TENM2: variants seen among roughly 807,000 people sequenced by gnomAD.
TENM2 encodes the protein teneurin transmembrane protein 2.
TENM2 carries 52 observed loss-of-function variants against 245.2 expected under a neutral mutation model. That is an observed-to-expected ratio of 0.21 (90% CI 0.17 to 0.27). TENM2 has a LOEUF of 0.27. TENM2 is among the 10% of genes least tolerant of loss of function. TENM2 has a pLI of 1.00. For missense variants in TENM2, 3,046 were observed against 3,666.8 expected, an observed-to-expected ratio of 0.83 and a Z score of 4.37; for synonymous variants, 1,363 against 1,438.9, an observed-to-expected ratio of 0.95 and a Z score of 1.19.
intron 2 of TENM2, among the ~76,000 whole-genome samples, chr5:167,392,322 C>T (rs571233367): frequency 2.0e-5 from 3 of 152,128 alleles, no homozygotes; most frequent in Non-Finnish European, 4.4e-5. Context: ...TAAATGTTCT[C>T]TGGGTGTGCC....
chr5:167,291,308 T>A (rs1449371765), intron 1 of TENM2, among the ~76,000 whole-genome samples: 1 of 152,218 alleles, frequency 6.6e-6, no homozygotes, highest in Non-Finnish European at 1.5e-5. Flanking sequence ...TTACAAACAA[T>A]AGTATCCCAG....
intron 2 of TENM2, among the ~76,000 whole-genome samples, chr5:167,753,383 G>T (rs572567028): frequency 2.6e-5 from 4 of 152,140 alleles, no homozygotes; most frequent in Non-Finnish European, 1.5e-5. Flanking sequence ...GATTGAAATT[G>T]CCAGGAGCTT....
intron 2 of TENM2, among the ~76,000 whole-genome samples, chr5:167,682,088 T>TCCTCCCTC (rs1433375091): frequency 2.7e-5 from 2 of 73,762 alleles, no homozygotes; most frequent in Admixed American, 1.6e-4. Flanking sequence ...CTTCCTTCCT[T>TCCTCCCTC]CCTCCATCCC....
chr5:167,659,881 C>G (rs1755092452), intron 2 of TENM2, among the ~76,000 whole-genome samples: 1 of 152,164 alleles, frequency 6.6e-6, no homozygotes, highest in Non-Finnish European at 1.5e-5. Flanking sequence ...AATGTTACCT[C>G]TTCCTCTCAA....
chr5:167,855,470 TTA>T (rs1298284909), intron 2 of TENM2, among the ~76,000 whole-genome samples: 3 of 152,094 alleles, frequency 2.0e-5, no homozygotes, highest in Admixed American at 1.3e-4. Flanking sequence ...ATATATTTAT[TTA>T]TGTTTAATTT....
intron 2 of TENM2, among the ~76,000 whole-genome samples, chr5:167,664,829 G>A (rs1222944238): frequency 1.3e-5 from 2 of 152,138 alleles, no homozygotes; most frequent in African/African-American, 2.4e-5. Context: ...CTCAAAGGGG[G>A]CATCCCTAAC....
chr5:167,990,051 A>T (rs1783549524), intron 4 of TENM2, among the ~76,000 whole-genome samples: 1 of 152,206 alleles, frequency 6.6e-6, no homozygotes, highest in South Asian at 2.1e-4. Flanking sequence ...GTTTTCACTC[A>T]TTAGTGACTC....
At chr5:167,604,942 A>G (rs1443616170) in intron 2 of TENM2, among the ~76,000 whole-genome samples, 1 of 152,222 alleles carries the variant, frequency 6.6e-6, no homozygotes, top group Non-Finnish European at 1.5e-5. Context: ...AAACTTTGAA[A>G]GATATTGTGG....
intron 2 of TENM2, among the ~76,000 whole-genome samples, chr5:167,698,704 G>A (rs1401943641): frequency 4.3e-4 from 43 of 99,366 alleles, no homozygotes; most frequent in African/African-American, 2.1e-3. Flanking sequence ...TTTTTTTTGA[G>A]ACATAATCTC....
intron 20 of TENM2, among the ~76,000 whole-genome samples, chr5:168,212,624 A>G (rs934406641): frequency 2.6e-5 from 4 of 152,248 alleles, no homozygotes; most frequent in South Asian, 2.1e-4. Flanking sequence ...GCACAAGATC[A>G]TAACAGTCAG....
At chr5:167,298,466 G>A (rs986544667) in intron 1 of TENM2, among the ~76,000 whole-genome samples, 4 of 152,174 alleles carry the variant, frequency 2.6e-5, no homozygotes, top group East Asian at 1.9e-4. Context: ...AGCCGGGCGA[G>A]GTGGCGGGCG....
At chr5:167,709,210 T>C (rs950396811) in intron 2 of TENM2, among the ~76,000 whole-genome samples, 1 of 152,222 alleles carries the variant, frequency 6.6e-6, no homozygotes, top group East Asian at 1.9e-4. Context: ...TGTAGTCCTG[T>C]CTTTTCCAAG....
chr5:168,166,727 C>T (rs1363847431), intron 13 of TENM2, among the ~76,000 whole-genome samples: 1 of 152,180 alleles, frequency 6.6e-6, no homozygotes, highest in Non-Finnish European at 1.5e-5. Context: ...GAATTAACTT[C>T]TCTCCTATGC....
chr5:168,204,321 T>C (rs1361780310), intron 18 of TENM2, 51 bp from the exon 21 acceptor site: 23 of 1,579,872 alleles, frequency 1.5e-5, no homozygotes, highest in Non-Finnish European at 1.7e-6. Flanking sequence ...CCAATACACA[T>C]GTCTTCCCCA....
In TENM2 at chr5:167,353,505, T is replaced by TTTTG. The variant is rs1554138250; in HGVS notation, c.227-21690_227-21689insGTTT. On this transcript the variant is annotated intron_variant, in intron 1 of 28. Transcript: ENST00000518659. ...TGTTTTTTGTTGTTGTTGTTGTTTTTTTTTTTTTTTTTTTTTTTTTGAGAC... is the reference window on the plus strand; with the variant it reads ...TGTTTTTTGTTGTTGTTGTTGTTTTTTTTGTTTTTTTTTTTTTTTTTTTTGAGAC... Among the ~76,000 whole-genome samples the TTTTG allele has an allele frequency of 4.2e-3, 411 of 97,396 alleles. 8 individuals are homozygous for TTTTG. Among genetic ancestry groups the TTTTG allele is most frequent in the African/African-American group, 0.019 (381 of 20,042 alleles). The allele number at this position is 97,396 out of a possible 152,430, so 63.9% of individuals were successfully genotyped here.
intron 2 of TENM2, among the ~76,000 whole-genome samples, chr5:167,524,345 G>C (rs752592582): frequency 6.6e-6 from 1 of 152,066 alleles, no homozygotes; most frequent in African/African-American, 2.4e-5. Flanking sequence ...GAATTAAGGG[G>C]GTTAATGCAT....
chr5:168,185,954 ATATATATATATTTGAATT>A lies in TENM2; in HGVS notation c.2570-4371_2570-4354del, dbSNP rs1385394377. On this transcript the variant is annotated intron_variant, in intron 13 of 28. Transcript: ENST00000518659. ...TATATATATATATATATATATATAT[ATATATATATATTTGAATT>A]TATATATATATATATATATTTGAAT... Among the ~76,000 whole-genome samples the A allele has an allele frequency of 5.4e-3, 23 of 4,256 alleles. No individual in the cohort carries two copies. In the East Asian group the frequency reaches 0.12, roughly 21 times the overall value. 2.8% of individuals were successfully genotyped at this position (4,256 alleles called of 152,430 possible). A position where few individuals can be genotyped will look rare whatever the true frequency, so the allele number is the denominator to read the frequency against.
the TENM2 span, among the ~76,000 whole-genome samples, chr5:167,071,879 C>CA: frequency 1.1e-3 from 48 of 44,586 alleles, 1 homozygote; most frequent in South Asian, 0.031. Flanking sequence ...TGACAAATCG[C>CA]CCCCCCCCGC....
chr5:167,866,497 CA>C (rs57131518), intron 2 of TENM2, among the ~76,000 whole-genome samples: 2,774 of 80,110 alleles, frequency 0.035, 69 homozygotes, highest in African/African-American at 0.085. Context: ...GACTCCATCT[CA>C]AAAAAAAAAA....
Sources: gnomAD v4.1 joint callset for allele counts (sites outside exome capture counted in the v4.1 genomes callset) on GRCh38, gnomAD v4.1.1 for gene constraint, MANE v1.5 for transcripts, NCBI Gene and HGNC (gene_info 2026-07-23, HGNC 2026-07-21) for gene names.